Variants in POU6F2 observed in about 807,000 individuals in gnomAD.
POU6F2 encodes POU domain, class 6, transcription factor 2.
In POU6F2, 31 loss-of-function variants were observed where a neutral mutation model predicts 71.3. That is an observed-to-expected ratio of 0.43 (90% CI 0.33 to 0.59). The LOEUF is 0.59. Among genes scored for constraint, POU6F2 ranks in the 20% least tolerant of loss-of-function variants. POU6F2 has a pLI of 0.04. For synonymous variants in POU6F2, 347 were observed against 355.7 expected, an observed-to-expected ratio of 0.98 and a Z score of 0.27; for missense variants, 783 against 856.8, an observed-to-expected ratio of 0.91 and a Z score of 1.07.
intron 4 of POU6F2, among the ~76,000 whole-genome samples, chr7:39,208,252 T>C (rs575352604): frequency 6.6e-6 from 1 of 152,228 alleles, no homozygotes; most frequent in African/African-American, 2.4e-5. Context: ...ATGAAGGTTT[T>C]GACTTTTCTT....
intron 2 of POU6F2, among the ~76,000 whole-genome samples, chr7:39,164,113 G>A (rs530442796): frequency 7.8e-4 from 118 of 151,896 alleles, no homozygotes; most frequent in Middle Eastern, 3.4e-3. Context: ...CCACAAAAAA[G>A]TTAACTATAA....
At chr7:39,383,967 A>G (rs1019719591) in intron 5 of POU6F2, among the ~76,000 whole-genome samples, 3 of 152,238 alleles carry the variant, frequency 2.0e-5, no homozygotes, top group African/African-American at 4.8e-5. Flanking sequence ...TAACTGTATC[A>G]TCTTCTCCCC....
chr7:39,173,694 C>G (rs1225860678), intron 2 of POU6F2, among the ~76,000 whole-genome samples: 1 of 152,198 alleles, frequency 6.6e-6, no homozygotes, highest in African/African-American at 2.4e-5. Flanking sequence ...AATCACGTAC[C>G]TCTTTGTAAT....
chr7:39,196,538 C>T (rs1793790349), intron 2 of POU6F2, among the ~76,000 whole-genome samples: 1 of 152,144 alleles, frequency 6.6e-6, no homozygotes, highest in Non-Finnish European at 1.5e-5. Flanking sequence ...GCAGGCAGAT[C>T]ACCTGAGGTT....
chr7:39,036,200 C>T (rs1186038603), intron 1 of POU6F2, among the ~76,000 whole-genome samples: 1 of 152,070 alleles, frequency 6.6e-6, no homozygotes. Context: ...CCATCCTTAT[C>T]CCTGAGTCTT....
At chr7:38,995,658 T>C (rs985899099) in intron 1 of POU6F2, among the ~76,000 whole-genome samples, 2 of 152,206 alleles carry the variant, frequency 1.3e-5, no homozygotes, top group Admixed American at 6.5e-5. Flanking sequence ...CAAAATTCTT[T>C]ATGAGCATTT....
intron 1 of POU6F2, among the ~76,000 whole-genome samples, chr7:39,021,668 T>C (rs918017685): frequency 6.6e-6 from 1 of 152,054 alleles, no homozygotes; most frequent in African/African-American, 2.4e-5. Flanking sequence ...TATTCCATTA[T>C]AGTTATGTTG....
At chr7:39,335,532 C>G (rs939012386) in intron 4 of POU6F2, among the ~76,000 whole-genome samples, 4 of 152,198 alleles carry the variant, frequency 2.6e-5, no homozygotes, top group Admixed American at 6.5e-5. Context: ...GTTGCCTCAT[C>G]ATTACAAATA....
At chr7:39,155,779 G>C (rs2128735460) in intron 2 of POU6F2, among the ~76,000 whole-genome samples, 1 of 152,252 alleles carries the variant, frequency 6.6e-6, no homozygotes. Context: ...AGACTTGAAA[G>C]AGAGAAATTT....
chr7:39,400,357 G>A (rs1319071751), intron 5 of POU6F2, among the ~76,000 whole-genome samples: 1 of 152,152 alleles, frequency 6.6e-6, no homozygotes, highest in Non-Finnish European at 1.5e-5. Flanking sequence ...GTTCCACCCA[G>A]ATCCCCTGGA....
chr7:39,316,439 T>C (rs1208738912), intron 4 of POU6F2, among the ~76,000 whole-genome samples: 4 of 152,124 alleles, frequency 2.6e-5, no homozygotes, highest in Non-Finnish European at 4.4e-5. Flanking sequence ...CCTCAGGCAG[T>C]GTGGCTGAGA....
chr7:39,190,133 C>T (rs1175590228), intron 2 of POU6F2, among the ~76,000 whole-genome samples: 1 of 151,114 alleles, frequency 6.6e-6, no homozygotes, highest in Non-Finnish European at 1.5e-5. Context: ...TGAGCTCAAG[C>T]GATCCTCCTG....
At chr7:39,172,420 A>G (rs1400678319) in intron 2 of POU6F2, among the ~76,000 whole-genome samples, 1 of 152,044 alleles carries the variant, frequency 6.6e-6, no homozygotes. Flanking sequence ...ATTCTATAGG[A>G]TTTATTGAAT....
chr7:39,009,479 C>T (rs1333041462), intron 1 of POU6F2, among the ~76,000 whole-genome samples: 1 of 152,136 alleles, frequency 6.6e-6, no homozygotes, highest in Non-Finnish European at 1.5e-5. Context: ...CAGGGACAAT[C>T]TGACTTCTTC....
Position 39,053,920 on chromosome 7 carries a change from T to C in POU6F2, c.106-31940T>C, listed in dbSNP as rs1168760344. On this transcript the variant is annotated intron_variant, in intron 1 of 9. Transcript: ENST00000518318. ...GAGTTAGAGACCAGGCTGGTCAACA[T>C]AGTGAAACCCTGTCTCTACTAAAAA... Among the ~76,000 whole-genome samples the C allele has an allele frequency of 2.0e-5, 3 of 151,928 alleles. No individual in the cohort carries two copies. In the East Asian group the frequency reaches 5.8e-4, roughly 29 times the overall value.
chr7:39,168,576 C>T (rs571331526), intron 2 of POU6F2, among the ~76,000 whole-genome samples: 1 of 152,276 alleles, frequency 6.6e-6, no homozygotes, highest in Admixed American at 6.5e-5. Context: ...CCTTTCTCCC[C>T]ACCTCTGGCC....
At chr7:39,423,480 AGTG>A (rs1335575923) in intron 6 of POU6F2, among the ~76,000 whole-genome samples, 1 of 152,090 alleles carries the variant, frequency 6.6e-6, no homozygotes, top group Non-Finnish European at 1.5e-5. Flanking sequence ...TTGCTGAGTG[AGTG>A]AGTGAGTGAG....
chr7:39,333,299 C>T (rs1014018144), intron 4 of POU6F2, among the ~76,000 whole-genome samples: 3 of 152,138 alleles, frequency 2.0e-5, no homozygotes, highest in African/African-American at 4.8e-5. Flanking sequence ...TCAACAAAGG[C>T]GGTAGTGGTT....
At chr7:39,237,176 CAGCAAATGGAAAACCAAGGAAAACAA>C (rs1285718394) in intron 4 of POU6F2, among the ~76,000 whole-genome samples, 1 of 152,164 alleles carries the variant, frequency 6.6e-6, no homozygotes, top group African/African-American at 2.4e-5. Context: ...GAAGGCGCAT[CAGCAAATGGAAAACCAAGGAAAACAA>C]AGCTCTAAGC....
Sources: gnomAD v4.1 joint callset for allele counts (sites outside exome capture counted in the v4.1 genomes callset) on GRCh38, gnomAD v4.1.1 for gene constraint, MANE v1.5 for transcripts, NCBI Gene and HGNC (gene_info 2026-07-23, HGNC 2026-07-21) for gene names.